Variants in GPC6 observed in about 807,000 individuals in gnomAD.
GPC6 encodes the protein glypican-6.
Under a neutral mutation model 55.2 loss-of-function variants are expected in GPC6, and 14 were observed. The ratio of observed to expected loss-of-function variants is 0.25; its 90% confidence interval spans 0.17 to 0.40. The LOEUF is 0.40. GPC6 is among the 10% of genes least tolerant of loss of function. GPC6 has a pLI of 1.00. For missense variants in GPC6, 641 were observed against 708.5 expected (o/e 0.90, Z 1.08); for synonymous variants, 278 against 259.6 (o/e 1.07, Z -0.68).
intron 2 of GPC6, among the ~76,000 whole-genome samples, chr13:93,623,465 T>C (rs371082519): frequency 1.1e-5 from 1 of 92,470 alleles, no homozygotes; most frequent in Non-Finnish European, 2.8e-5. Context: ...CTTTTTTTTT[T>C]TTTTTTTTTT....
intron 3 of GPC6, among the ~76,000 whole-genome samples, chr13:93,979,072 T>C (rs1363859577): frequency 2.0e-5 from 3 of 152,116 alleles, no homozygotes; most frequent in Admixed American, 6.6e-5. Flanking sequence ...TGCAGATAAA[T>C]GAATGACAAT....
intron 2 of GPC6, among the ~76,000 whole-genome samples, chr13:93,622,971 A>G (rs1245433797): frequency 6.6e-6 from 1 of 152,190 alleles, no homozygotes; most frequent in African/African-American, 2.4e-5. Context: ...CTATGAGATT[A>G]GCTTTTTAAT....
intron 6 of GPC6, among the ~76,000 whole-genome samples, chr13:94,352,658 C>A (rs560765288): frequency 2.6e-5 from 4 of 152,198 alleles, no homozygotes; most frequent in Non-Finnish European, 4.4e-5. Flanking sequence ...ATGTTACTCA[C>A]CTCAGGTTCT....
chr13:94,215,077 C>T (rs1890188035), intron 4 of GPC6, among the ~76,000 whole-genome samples: 1 of 152,192 alleles, frequency 6.6e-6, no homozygotes, highest in Non-Finnish European at 1.5e-5. Context: ...CACGTACACA[C>T]GCTCACGCAT....
intron 4 of GPC6, among the ~76,000 whole-genome samples, chr13:94,054,177 C>A (rs1024172317): frequency 2.0e-5 from 3 of 152,152 alleles, no homozygotes; most frequent in Non-Finnish European, 4.4e-5. Flanking sequence ...GGAAGTAAAT[C>A]TTGCTAGCTC....
intron 1 of GPC6, among the ~76,000 whole-genome samples, chr13:93,365,656 T>A (rs1157764314): frequency 6.6e-6 from 1 of 151,984 alleles, no homozygotes; most frequent in Non-Finnish European, 1.5e-5. Flanking sequence ...ACCCCAAATT[T>A]TAGGGCAAAT....
chr13:93,764,010 C>G (rs371190647), intron 2 of GPC6, among the ~76,000 whole-genome samples: 1 of 152,084 alleles, frequency 6.6e-6, no homozygotes, highest in Non-Finnish European at 1.5e-5. Context: ...TATCACAGAT[C>G]GGATCTACTG....
At chr13:93,522,763 T>A (rs975827) in intron 1 of GPC6, among the ~76,000 whole-genome samples, 8,673 of 151,878 alleles carry the variant, frequency 0.057, 813 homozygotes, top group African/African-American at 0.2. Context: ...CCGGAGGCAT[T>A]TTTTTGGCTA....
At chr13:93,490,854 A>AT (rs1879973252) in intron 1 of GPC6, among the ~76,000 whole-genome samples, 1 of 86,786 alleles carries the variant, frequency 1.2e-5, no homozygotes, top group Non-Finnish European at 2.2e-5. Flanking sequence ...TGAACTCATC[A>AT]TTTTTTATGG....
intron 1 of GPC6, among the ~76,000 whole-genome samples, chr13:93,293,559 A>T (rs1594078037): frequency 6.6e-6 from 1 of 152,308 alleles, no homozygotes; most frequent in Non-Finnish European, 1.5e-5. Context: ...TTCATTTTTT[A>T]AAGTAGCTAA....
At chr13:94,373,401 G>C (rs1282598910) in intron 6 of GPC6, among the ~76,000 whole-genome samples, 3 of 152,042 alleles carry the variant, frequency 2.0e-5, no homozygotes, top group Non-Finnish European at 4.4e-5. Flanking sequence ...CAAGGCTCGA[G>C]AACTACGTGA....
intron 4 of GPC6, among the ~76,000 whole-genome samples, chr13:94,246,924 A>G (rs1891215135): frequency 6.6e-6 from 1 of 151,800 alleles, no homozygotes; most frequent in Non-Finnish European, 1.5e-5. Context: ...TGGGATTTTG[A>G]TAGAGATTAT....
chr13:93,313,852 A>G (rs1027723509), intron 1 of GPC6, among the ~76,000 whole-genome samples: 4 of 152,094 alleles, frequency 2.6e-5, no homozygotes, highest in Admixed American at 1.3e-4. Flanking sequence ...TCTTCTAAAG[A>G]TTATAAAAAT....
chr13:93,958,887 T>C (rs1879632575), intron 3 of GPC6, among the ~76,000 whole-genome samples: 1 of 152,202 alleles, frequency 6.6e-6, no homozygotes, highest in African/African-American at 2.4e-5. Flanking sequence ...TAGAAATCTT[T>C]CACTTCTTCG....
intron 1 of GPC6, among the ~76,000 whole-genome samples, chr13:93,396,793 G>A (rs1045788739): frequency 1.3e-5 from 2 of 151,996 alleles, no homozygotes; most frequent in Non-Finnish European, 2.9e-5. Context: ...ATAACATAGA[G>A]CACTTACAAT....
intron 4 of GPC6, among the ~76,000 whole-genome samples, chr13:94,146,364 C>T (rs1281275690): frequency 6.6e-6 from 1 of 152,100 alleles, no homozygotes; most frequent in African/African-American, 2.4e-5. Flanking sequence ...AATTTACTAT[C>T]TAGGACAGTC....
chr13:93,732,255 C>G (rs1293051708), intron 2 of GPC6, among the ~76,000 whole-genome samples: 2 of 152,034 alleles, frequency 1.3e-5, no homozygotes, highest in Non-Finnish European at 2.9e-5. Context: ...TTCAGTTGTT[C>G]TCTGGTGGAA....
At chr13:94,045,434 G>T (rs1347947089) in intron 4 of GPC6, among the ~76,000 whole-genome samples, 1 of 151,762 alleles carries the variant, frequency 6.6e-6, no homozygotes, top group African/African-American at 2.4e-5. Context: ...TTGCTAAGAT[G>T]ATCAAGTGTT....
intron 2 of GPC6, among the ~76,000 whole-genome samples, chr13:93,699,440 G>A (rs566218500): frequency 1.2e-4 from 19 of 152,204 alleles, no homozygotes; most frequent in South Asian, 1.0e-3. Flanking sequence ...GAACAGGCAC[G>A]CTTCTTCATC....
Sources: gnomAD v4.1 joint callset for allele counts (sites outside exome capture counted in the v4.1 genomes callset) on GRCh38, gnomAD v4.1.1 for gene constraint, MANE v1.5 for transcripts, NCBI Gene and HGNC (gene_info 2026-07-23, HGNC 2026-07-21) for gene names.